Variants in RAB1B observed in about 807,000 individuals in gnomAD.
The protein encoded by RAB1B is RAB1B, member RAS oncogene family.
Under a neutral mutation model 24.8 loss-of-function variants are expected in RAB1B, and 10 were observed. That is an observed-to-expected ratio of 0.40 (90% CI 0.25 to 0.68). The LOEUF is 0.68. Ranked by LOEUF, RAB1B falls within the 30% of genes least tolerant of loss-of-function variation. The probability of loss-of-function intolerance (pLI) is 0.37; values close to 1 mark genes in which losing one functional copy is unlikely to be tolerated. For missense variants in RAB1B, 154 were observed against 271.2 expected (o/e 0.57, Z 3.04); for synonymous variants, 99 against 111.7 (o/e 0.89, Z 0.72).
chr11:66,274,379 T>C (rs182326972), intron 4 of RAB1B, among the ~76,000 whole-genome samples: 91 of 152,302 alleles, frequency 6.0e-4, no homozygotes, highest in Non-Finnish European at 1.1e-3. Context: ...AGGTACTGTT[T>C]ATAGAAATGA....
chr11:66,269,660 A>G (rs1435898361), intron 1 of RAB1B, among the ~76,000 whole-genome samples: 1 of 152,228 alleles, frequency 6.6e-6, no homozygotes, highest in Non-Finnish European at 1.5e-5. Flanking sequence ...TTGGAGTCTG[A>G]GAAACCTGGT....
In RAB1B at chr11:66,268,771, G is replaced by T. The variant is rs930437905; in HGVS notation, c.14+78G>T. 3.4e-6 allele frequency: 5 copies of T among 1,458,526 alleles called. No homozygotes were observed. In the African/African-American group the frequency reaches 5.8e-5, roughly 17 times the overall value. 90.3% of individuals were successfully genotyped at this position (1,458,526 alleles called of 1,614,324 possible). A position where few individuals can be genotyped will look rare whatever the true frequency, so the allele number is the denominator to read the frequency against. On this transcript the variant is annotated intron_variant, in intron 1 of 5. Transcript: ENST00000311481. ...GCTGTACGCTTACCGGGGTTGTCTG[G>T]CCCGGGTCAGGACTGTGCGGCGCCC...
chr11:66,272,632 C>A, intron 4 of RAB1B, 172 bp downstream of exon 4: 1 of 485,954 alleles, frequency 2.1e-6, no homozygotes, highest in Non-Finnish European at 3.6e-6. Context: ...TACTTGGACT[C>A]ATTTCACAAG....
intron 1 of RAB1B, 137 bp downstream of exon 1, chr11:66,268,830 C>CCCG (rs1054325722): frequency 1.1e-5 from 10 of 945,300 alleles, no homozygotes; most frequent in East Asian, 3.3e-5. Flanking sequence ...TGACCCCCCC[C>CCCG]CACATCCGGG....
At chr11:66,273,030 A>G (rs1357672167) in intron 4 of RAB1B, among the ~76,000 whole-genome samples, 1 of 152,240 alleles carries the variant, frequency 6.6e-6, no homozygotes, top group African/African-American at 2.4e-5. Flanking sequence ...CCCAGCCCTC[A>G]GATTGCCTCT....
chr11:66,275,955 G>T lies in RAB1B; in HGVS notation c.411+20G>T. 1 of 1,610,564 alleles carries T rather than the reference G, an allele frequency of 6.2e-7. No homozygotes were observed. ...GCCAAGGTAGCAGACGGGCCGGTCT[G>T]CCCGGGGTCGGGGCGCTGGGGCCTG... On this transcript the variant is annotated intron_variant, in intron 5 of 5. Coordinates refer to ENST00000311481, the MANE Select transcript of RAB1B (RefSeq NM_030981.3).
In RAB1B at chr11:66,276,168, C is replaced by G. The variant is rs1857140281; in HGVS notation, c.536C>G (p.Ser179Cys). The G allele has an allele frequency of 5.6e-6, 9 of 1,610,612 alleles. No individual in the cohort carries two copies. The Middle Eastern group carries it at 1.5e-3, about 266-fold the overall frequency. ...IKKRMGPGAA[S>C]GGERPNLKID... ...AAGCGGATGGGGCCTGGAGCAGCCTCTGGGGGCGAGCGGCCCAATCTCAAG... is the reference window on the plus strand; with the variant it reads ...AAGCGGATGGGGCCTGGAGCAGCCTGTGGGGGCGAGCGGCCCAATCTCAAG... The change falls in exon 6 of 6, where the codon TCT becomes TGT. Residue 179 changes from serine (S) to cysteine (C), a missense_variant. Coordinates refer to ENST00000311481, the MANE Select transcript of RAB1B (RefSeq NM_030981.3).
At chr11:66,271,775 C>T in intron 1 of RAB1B, 22 bp from the exon 2 acceptor site, 1 of 1,604,230 alleles carries the variant, frequency 6.2e-7, no homozygotes, top group East Asian at 2.2e-5. Context: ...TCCCTTCACG[C>T]CTTCCCATCT....
chr11:66,271,921 G>T (rs11603609), intron 2 of RAB1B, 52 bp downstream of exon 2: 15,436 of 1,429,350 alleles, frequency 0.011, 114 homozygotes, highest in Non-Finnish European at 0.013. Flanking sequence ...CTGGCAGCTG[G>T]GGGGAGAAGG....
Position 66,275,788 on chromosome 11 carries a change from C to T in RAB1B, c.280-16C>T, listed in dbSNP as rs368722305. The T allele has an allele frequency of 2.8e-5, 44 of 1,563,694 alleles. No homozygotes were observed. The African/African-American group carries it at 5.5e-4, about 20-fold the overall frequency. ...CAGTTGGGAGCAAAATAACTTTGGC[C>T]CCTGGCCCCCTTTAGGAATCCTACG... On this transcript the variant is annotated splice_polypyrimidine_tract_variant and intron_variant, in intron 4 of 5. Transcript: ENST00000311481.
intron 1 of RAB1B, among the ~76,000 whole-genome samples, chr11:66,269,454 C>A (rs1317679092): frequency 6.6e-6 from 1 of 152,214 alleles, no homozygotes; most frequent in Non-Finnish European, 1.5e-5. Context: ...CTTGGTCACT[C>A]CCCCTGCGGG....
intron 4 of RAB1B, among the ~76,000 whole-genome samples, chr11:66,274,211 T>A (rs1857105663): frequency 6.6e-6 from 1 of 152,126 alleles, no homozygotes; most frequent in Non-Finnish European, 1.5e-5. Context: ...ATCCAGTCAG[T>A]CTCGAGTCCC....
rs1270342385 is a variant in RAB1B, at chr11:66,276,536, T to G, written c.*298T>G. The G allele has an allele frequency of 2.7e-6, 1 of 374,634 alleles. No individual in the cohort carries two copies. Among genetic ancestry groups the G allele is most frequent in the African/African-American group, 2.1e-5 (1 of 46,908 alleles). 23.2% of individuals were successfully genotyped at this position (374,634 alleles called of 1,614,324 possible). ...ACACACCTTTCTTTGGAACGAGGGC[T>G]CTTCTGTCGGTGTCCCTCCCACCCC... On this transcript the variant is annotated 3_prime_UTR_variant, in exon 6 of 6. Transcript: ENST00000311481.
chr11:66,270,065 G>A (rs1039723851), intron 1 of RAB1B: 4 of 152,084 alleles, frequency 2.6e-5, no homozygotes, highest in African/African-American at 9.7e-5. Flanking sequence ...TGTAAAGACA[G>A]GGTCTCGATA....
rs535253451 is a variant in RAB1B at position 66,271,692 on chromosome 11, C to G, written c.15-105C>G. The G allele has an allele frequency of 8.8e-5, 69 of 786,706 alleles. No individual in the cohort carries two copies. The African/African-American group carries it at 1.1e-3, about 13-fold the overall frequency. 48.7% of individuals were successfully genotyped at this position (786,706 alleles called of 1,614,324 possible). ...TTGCTAAAAAAAAAATAAAAATAAA[C>G]CAAGGGATGCCTCATGGGGTGGGGG... On this transcript the variant is annotated intron_variant, in intron 1 of 5. Coordinates refer to ENST00000311481, the MANE Select transcript of RAB1B (RefSeq NM_030981.3).
intron 4 of RAB1B, among the ~76,000 whole-genome samples, chr11:66,274,262 CATAATA>C (rs1378686186): frequency 5.9e-5 from 9 of 152,170 alleles, no homozygotes; most frequent in African/African-American, 1.9e-4. Context: ...TCTGTCCCCT[CATAATA>C]ATAGCAGTGA....
At chr11:66,270,638 C>G (rs1857041527) in intron 1 of RAB1B, 1 of 152,250 alleles carries the variant, frequency 6.6e-6, no homozygotes, top group Admixed American at 6.5e-5. Context: ...TCATACACTC[C>G]TAGGCTCCAA....
In RAB1B at chr11:66,268,690, A is replaced by T; in HGVS notation, c.11A>T (p.Glu4Val). Reference sequence around the variant, plus strand: ...GCCGCCGCCGCCGCCATGAACCCCGAATAGTGAGTGAGCCCCGCCCGCGCC... The same window carrying T: ...GCCGCCGCCGCCGCCATGAACCCCGTATAGTGAGTGAGCCCCGCCCGCGCC... MNPEYDYLFKLLLI... is the reference protein window; with the variant it reads MNPVYDYLFKLLLI... The change falls in exon 1 of 6, where the codon GAA (glutamate) becomes GTA (valine). Residue 4 changes from glutamate (E) to valine (V), a missense_variant. Around this residue, in one of 2 missense-constraint regions of RAB1B, gnomAD observed 77 missense variants for 173.4 expected, o/e 0.44. Transcript: ENST00000311481. 6.4e-7 allele frequency: 1 copy of T among 1,571,030 alleles called. No individual in the cohort carries two copies. Among genetic ancestry groups the T allele is most frequent in the Non-Finnish European group, 8.6e-7 (1 of 1,160,836 alleles).
In RAB1B at chr11:66,276,560, C is replaced by G. The variant is rs1471881953; in HGVS notation, c.*322C>G. On this transcript the variant is annotated 3_prime_UTR_variant, in exon 6 of 6. Coordinates refer to ENST00000311481, the MANE Select transcript of RAB1B (RefSeq NM_030981.3). ...CTCTTCTGTCGGTGTCCCTCCCACC[C>G]CCATGTATGCTGCACTGGGTTCTCT... 3.1e-6 allele frequency: 1 copy of G among 321,358 alleles called. No individual in the cohort carries two copies. Among genetic ancestry groups the G allele is most frequent in the Non-Finnish European group, 5.7e-6 (1 of 175,346 alleles). 19.9% of individuals were successfully genotyped at this position (321,358 alleles called of 1,614,324 possible). A position where few individuals can be genotyped will look rare whatever the true frequency, so the allele number is the denominator to read the frequency against.
Sources: gnomAD v4.1 joint callset for allele counts (sites outside exome capture counted in the v4.1 genomes callset) on GRCh38, gnomAD v4.1.1 for gene constraint, gnomAD v4.1.1 regional missense constraint, MANE v1.5 for transcripts, NCBI Gene and HGNC (gene_info 2026-07-23, HGNC 2026-07-21) for gene names.